The following RNF17 variants were observed in gnomAD, a reference collection of about 807,000 sequenced individuals.
The protein encoded by RNF17 is spermatogenesis associated 23.
Under a neutral mutation model 200.5 loss-of-function variants are expected in RNF17, and 31 were observed. The observed-to-expected ratio is 0.15, with a 90% CI of 0.12 to 0.21. RNF17 has a LOEUF of 0.21. Ranked by LOEUF, RNF17 falls within the 10% of genes least tolerant of loss-of-function variation. RNF17 has a pLI of 1.00. For synonymous variants in RNF17, 606 were observed against 637.8 expected (o/e 0.95, Z 0.75); for missense variants, 1,628 against 1,905.1 (o/e 0.85, Z 2.71).
intron 24 of RNF17, among the ~76,000 whole-genome samples, chr13:24,853,053 A>G (rs1251407872): frequency 6.6e-6 from 1 of 152,142 alleles, no homozygotes; most frequent in Non-Finnish European, 1.5e-5. Flanking sequence ...AGCTGGGATT[A>G]TAGGCATGCG....
At position 24,789,731 on chromosome 13, in the gene RNF17, G is replaced by A. The variant is rs1290528475; in HGVS notation, c.894G>A (p.Met298Ile). The change falls in exon 9 of 36, where the codon ATG (methionine) becomes ATA (isoleucine). Residue 298 changes from methionine to isoleucine, a missense_variant. Around this residue, in one of 5 missense-constraint regions of RNF17, gnomAD observed 502 missense variants for 501.7 expected, o/e 1.00. Transcript: ENST00000255324. Reference protein sequence around the residue: ...LSVNCSEIICMFNNMGKIEFR... With the variant: ...LSVNCSEIICIFNNMGKIEFR... ...TGAATTGCAGTGAGATCATCTGTAT[G>A]TTCAACAATATGGGAAAGATTGAAT... 2 of 1,600,914 alleles carry A rather than the reference G, an allele frequency of 1.2e-6. No homozygotes were observed. Among genetic ancestry groups the A allele is most frequent in the Admixed American group, 1.7e-5 (1 of 59,936 alleles).
intron 15 of RNF17, among the ~76,000 whole-genome samples, chr13:24,812,839 G>A (rs1048820063): frequency 4.0e-5 from 6 of 151,758 alleles, no homozygotes; most frequent in Non-Finnish European, 2.9e-5. Flanking sequence ...CTGCCACCAC[G>A]CCTGGCTAAT....
intron 2 of RNF17, among the ~76,000 whole-genome samples, chr13:24,771,682 TTA>T (rs376223792): frequency 6.6e-6 from 1 of 151,036 alleles, no homozygotes; most frequent in Non-Finnish European, 1.5e-5. Context: ...TAACTCAAAG[TTA>T]TATATATATA....
upstream of RNF17, among the ~76,000 whole-genome samples, chr13:24,760,443 G>A (rs1878637324): frequency 1.3e-5 from 2 of 152,112 alleles, no homozygotes. Flanking sequence ...AATGAAATTA[G>A]ATCATTATCT....
intron 31 of RNF17, among the ~76,000 whole-genome samples, 166 bp downstream of exon 31, chr13:24,868,882 A>G (rs145423810): frequency 5.9e-5 from 9 of 152,282 alleles, no homozygotes; most frequent in Admixed American, 2.6e-4. Flanking sequence ...ATATTTGTCA[A>G]TGTTTAAGGC....
At chr13:24,761,255 T>A (rs980256506), upstream of RNF17, among the ~76,000 whole-genome samples, 1 of 152,258 alleles carries the variant, frequency 6.6e-6, no homozygotes, top group African/African-American at 2.4e-5. Flanking sequence ...GGTTTTAGAA[T>A]ATTAATATTT....
At chr13:24,762,653 T>C (rs1188400394), upstream of RNF17, among the ~76,000 whole-genome samples, 1 of 152,212 alleles carries the variant, frequency 6.6e-6, no homozygotes, top group Non-Finnish European at 1.5e-5. Context: ...AGAGAATACT[T>C]ACTTCACAGT....
At chr13:24,853,526 G>T (rs1892159851) in intron 24 of RNF17, among the ~76,000 whole-genome samples, 1 of 151,926 alleles carries the variant, frequency 6.6e-6, no homozygotes, top group South Asian at 2.1e-4. Flanking sequence ...TCTATGTGTG[G>T]ACTAAATTGA....
downstream of RNF17, chr13:24,883,208 T>C (rs1953912790): frequency 1.9e-6 from 3 of 1,614,080 alleles, no homozygotes; most frequent in Non-Finnish European, 2.5e-6. Flanking sequence ...CACATTACCC[T>C]CCTTGTCCTT....
chr13:24,888,470 G>C, the RNF17 span, among the ~76,000 whole-genome samples: 34 of 152,256 alleles, frequency 2.2e-4, no homozygotes, highest in South Asian at 7.1e-3. Flanking sequence ...TGCTCACAGG[G>C]CCTTACCAGC....
At chr13:24,869,864 C>T (rs1055295328) in intron 31 of RNF17, among the ~76,000 whole-genome samples, 2 of 151,864 alleles carry the variant, frequency 1.3e-5, no homozygotes, top group African/African-American at 4.8e-5. Context: ...ACTTCCCAGG[C>T]TCAACCATTC....
chr13:24,773,369 G>A (rs1881066188), intron 2 of RNF17, among the ~76,000 whole-genome samples: 1 of 152,160 alleles, frequency 6.6e-6, no homozygotes, highest in Non-Finnish European at 1.5e-5. Context: ...ATACTATGCA[G>A]CCATTAAAAA....
At position 24,821,421 on chromosome 13, in the gene RNF17, C is replaced by T. The variant is rs981937349; in HGVS notation, c.2092-4198C>T. Among the ~76,000 whole-genome samples the T allele has an allele frequency of 2.6e-5, 4 of 152,118 alleles. No homozygotes were observed. The South Asian group carries it at 8.3e-4, about 32-fold the overall frequency. Reference sequence around the variant, plus strand: ...TCTTTCTTTAAATTGGGGACTTCTACCATTTTTAAAAATAATTTTTTGCCT... The same window carrying T: ...TCTTTCTTTAAATTGGGGACTTCTATCATTTTTAAAAATAATTTTTTGCCT... On this transcript the variant is annotated intron_variant, in intron 15 of 35. Transcript: ENST00000255324.
chr13:24,852,217 C>T (rs1483000327), intron 24 of RNF17, among the ~76,000 whole-genome samples: 1 of 150,644 alleles, frequency 6.6e-6, no homozygotes, highest in Non-Finnish European at 1.5e-5. Flanking sequence ...CGGCTCACTG[C>T]AAGCTCCACC....
At chr13:24,872,546 A>G (rs1263829886) in intron 32 of RNF17, among the ~76,000 whole-genome samples, 2 of 146,128 alleles carry the variant, frequency 1.4e-5, no homozygotes, top group African/African-American at 5.1e-5. Flanking sequence ...CTTTTTTTTT[A>G]CTGAGTATTT....
In RNF17 at chr13:24,874,276, A is replaced by G. The variant is rs563388419; in HGVS notation, c.4583+27A>G. ...TTAAAAATAAATGTCGGGGTGTTGA[A>G]TTAGATTTCTTTTTTTTTAAATAGT... On this transcript the variant is annotated intron_variant, in intron 33 of 35. Coordinates refer to ENST00000255324, the MANE Select transcript of RNF17 (RefSeq NM_031277.3). 13 of 1,532,828 alleles carry G rather than the reference A, an allele frequency of 8.5e-6. No homozygotes were observed. In the South Asian group the frequency reaches 1.5e-4, roughly 18 times the overall value. 95.0% of individuals were successfully genotyped at this position (1,532,828 alleles called of 1,614,324 possible).
intron 2 of RNF17, among the ~76,000 whole-genome samples, chr13:24,771,203 G>A (rs1224080503): frequency 6.6e-6 from 1 of 151,974 alleles, no homozygotes; most frequent in Non-Finnish European, 1.5e-5. Context: ...CCAGACTGGA[G>A]TGCAGTGATG....
chr13:24,849,977 A>C (rs1033625661), intron 22 of RNF17, among the ~76,000 whole-genome samples: 10 of 152,338 alleles, frequency 6.6e-5, no homozygotes, highest in African/African-American at 2.4e-4. Context: ...CACATAACAC[A>C]TCATCATTCC....
At chr13:24,866,229 A>C in intron 30 of RNF17, 26 bp downstream of exon 30, 1 of 1,350,858 alleles carries the variant, frequency 7.4e-7, no homozygotes, top group East Asian at 2.3e-5. Flanking sequence ...AGTATTTTGG[A>C]AACTTTGGAC....
Sources: allele counts gnomAD v4.1 joint callset (sites outside exome capture counted in the v4.1 genomes callset), GRCh38; gene constraint gnomAD v4.1.1; regional missense constraint gnomAD v4.1.1; transcripts MANE v1.5; gene names NCBI Gene and HGNC (gene_info 2026-07-23, HGNC 2026-07-21).